CLSTN2: variants seen among roughly 807,000 people sequenced by gnomAD.
CLSTN2 encodes calsyntenin-2.
Under a neutral mutation model 101.2 loss-of-function variants are expected in CLSTN2, and 48 were observed. The ratio of observed to expected loss-of-function variants is 0.47; its 90% CI spans 0.38 to 0.60. CLSTN2 has a LOEUF of 0.60. Among genes scored for constraint, CLSTN2 ranks in the 20% least tolerant of loss-of-function variants. CLSTN2 has a pLI of 0.00. For missense variants in CLSTN2, 1,160 were observed against 1,238.2 expected, an observed-to-expected ratio of 0.94 and a Z score of 0.95; for synonymous variants, 481 against 463.6, an observed-to-expected ratio of 1.04 and a Z score of -0.48.
At chr3:140,219,034 A>G (rs1448421048) in intron 2 of CLSTN2, among the ~76,000 whole-genome samples, 1 of 152,026 alleles carries the variant, frequency 6.6e-6, no homozygotes, top group East Asian at 2.0e-4. Flanking sequence ...ATAATTGGGA[A>G]TTTAATGCAA....
At chr3:140,254,151 A>G (rs996562600) in intron 2 of CLSTN2, among the ~76,000 whole-genome samples, 9 of 152,202 alleles carry the variant, frequency 5.9e-5, no homozygotes, top group Non-Finnish European at 1.3e-4. Flanking sequence ...TTGCACATAC[A>G]TGACATAATC....
At chr3:140,200,828 C>T (rs1325246416) in intron 2 of CLSTN2, among the ~76,000 whole-genome samples, 2 of 151,986 alleles carry the variant, frequency 1.3e-5, no homozygotes, top group African/African-American at 2.4e-5. Flanking sequence ...CTCTTTTAAA[C>T]ACCTGCTCTT....
chr3:140,562,949 A>G lies in CLSTN2; in HGVS notation c.2351A>G (p.Asn784Ser). 1 of 1,614,144 alleles carries G rather than the reference A, an allele frequency of 6.2e-7. No individual in the cohort carries two copies. Among genetic ancestry groups the G allele is most frequent in the Non-Finnish European group, 8.5e-7 (1 of 1,179,998 alleles). ...LNGRYTSNEFNLEVSILHEDQ... is the reference protein window; with the variant it reads ...LNGRYTSNEFSLEVSILHEDQ... ...GGGCGCTACACTAGCAATGAGTTCA[A>G]CTTGGAGGTGAGTGGGTCCTGCCAT... Residue 784 changes from asparagine (N) to serine (S), a missense_variant, in exon 14 of 17, where the codon AAC (asparagine) becomes AGC (serine). Physicochemically the swap from Asn to Ser is conservative, Grantham distance 46. Coordinates refer to ENST00000458420, the MANE Select transcript of CLSTN2 (RefSeq NM_022131.3).
intron 2 of CLSTN2, among the ~76,000 whole-genome samples, chr3:140,262,832 G>A (rs1490009416): frequency 6.6e-6 from 1 of 152,142 alleles, no homozygotes; most frequent in East Asian, 1.9e-4. Context: ...ACATTATGAA[G>A]AATGGGGACA....
intron 2 of CLSTN2, among the ~76,000 whole-genome samples, chr3:140,373,770 G>C (rs1487462489): frequency 1.3e-5 from 2 of 152,154 alleles, no homozygotes; most frequent in South Asian, 2.1e-4. Context: ...TGTCTCTTTG[G>C]AGAGCAAGGT....
intron 4 of CLSTN2, among the ~76,000 whole-genome samples, chr3:140,418,531 T>TCTC (rs1185327499): frequency 6.9e-6 from 1 of 144,198 alleles, no homozygotes; most frequent in African/African-American, 2.7e-5. Context: ...TTTTTTTTTT[T>TCTC]TTCTGAGACG....
chr3:140,304,714 G>A (rs1462138902), intron 2 of CLSTN2, among the ~76,000 whole-genome samples: 1 of 152,152 alleles, frequency 6.6e-6, no homozygotes, highest in Non-Finnish European at 1.5e-5. Flanking sequence ...CAGAGACAGG[G>A]AGGAAGCGTC....
At chr3:139,983,693 A>G (rs970481245) in intron 1 of CLSTN2, among the ~76,000 whole-genome samples, 1 of 152,188 alleles carries the variant, frequency 6.6e-6, no homozygotes, top group Non-Finnish European at 1.5e-5. Context: ...TTTCAATATT[A>G]TAGTTAATTA....
At chr3:140,292,477 T>C (rs1158659773) in intron 2 of CLSTN2, among the ~76,000 whole-genome samples, 2 of 152,202 alleles carry the variant, frequency 1.3e-5, no homozygotes, top group Non-Finnish European at 2.9e-5. Flanking sequence ...GTGACTCACA[T>C]AGTGATGGAC....
chr3:140,073,045 G>A (rs2008421383), intron 1 of CLSTN2, among the ~76,000 whole-genome samples: 2 of 152,112 alleles, frequency 1.3e-5, no homozygotes, highest in Non-Finnish European at 2.9e-5. Context: ...AATTTGCAGC[G>A]ACTGTCCTGG....
In CLSTN2 at chr3:140,083,882, G is replaced by A. The variant is rs193145841; in HGVS notation, c.110-92069G>A. The stretch of plus-strand genomic sequence containing the variant: ...TTAAGGTCAGCATTTTTTTTCAAGT[G>A]TTTTTTCATTTCTTTTAAAAAACAG... On this transcript the variant is annotated intron_variant, in intron 1 of 16. Transcript: ENST00000458420. Among the ~76,000 whole-genome samples the A allele has an allele frequency of 5.9e-5, 9 of 152,176 alleles. No homozygotes were observed. In the East Asian group the frequency reaches 7.7e-4, roughly 13 times the overall value.
At chr3:140,450,738 ACACACACACAAG>A (rs1933226882) in intron 6 of CLSTN2, among the ~76,000 whole-genome samples, 1 of 152,198 alleles carries the variant, frequency 6.6e-6, no homozygotes, top group Admixed American at 6.5e-5. Context: ...ACACACACAT[ACACACACACAAG>A]CACACACACC....
intron 1 of CLSTN2, among the ~76,000 whole-genome samples, chr3:140,118,709 G>A (rs1405396346): frequency 6.6e-6 from 1 of 152,038 alleles, no homozygotes; most frequent in Non-Finnish European, 1.5e-5. Context: ...GTGACTCCTG[G>A]GTTTGAATTA....
chr3:140,088,442 G>T, intron 1 of CLSTN2, among the ~76,000 whole-genome samples: 1 of 152,238 alleles, frequency 6.6e-6, no homozygotes. Context: ...TTCTCTGAAA[G>T]TCTTGTATTT....
intron 1 of CLSTN2, among the ~76,000 whole-genome samples, chr3:140,121,392 G>C (rs757579149): frequency 6.6e-6 from 1 of 152,176 alleles, no homozygotes; most frequent in East Asian, 1.9e-4. Context: ...GGAGTTTTCT[G>C]TTGCTGGCTG....
At chr3:140,066,679 C>G (rs761774481) in intron 1 of CLSTN2, among the ~76,000 whole-genome samples, 9 of 152,118 alleles carry the variant, frequency 5.9e-5, no homozygotes, top group Non-Finnish European at 8.8e-5. Context: ...ACTTAGGCTC[C>G]CGATATATTA....
intron 1 of CLSTN2, among the ~76,000 whole-genome samples, chr3:140,055,651 GT>G (rs1191541010): frequency 6.6e-6 from 1 of 152,242 alleles, no homozygotes; most frequent in Non-Finnish European, 1.5e-5. Flanking sequence ...CTACCGTGAA[GT>G]AGGTGCTCAG....
intron 8 of CLSTN2, among the ~76,000 whole-genome samples, chr3:140,477,036 A>G (rs1477506557): frequency 6.6e-6 from 1 of 152,152 alleles, no homozygotes; most frequent in Non-Finnish European, 1.5e-5. Flanking sequence ...TCCATAAGAC[A>G]AAAGAAGGCT....
At chr3:140,561,671 G>T (rs910164117) in intron 12 of CLSTN2, among the ~76,000 whole-genome samples, 1 of 152,102 alleles carries the variant, frequency 6.6e-6, no homozygotes, top group African/African-American at 2.4e-5. Flanking sequence ...ATCTCAGGTG[G>T]TCAGGGAGAC....
Sources: gnomAD v4.1 joint callset for allele counts (sites outside exome capture counted in the v4.1 genomes callset) on GRCh38, gnomAD v4.1.1 for gene constraint, MANE v1.5 for transcripts, NCBI Gene and HGNC (gene_info 2026-07-23, HGNC 2026-07-21) for gene names.